Variants in RBM47 observed in about 807,000 individuals in gnomAD.
RBM47 encodes RNA-binding protein 47.
A neutral mutation model predicts 47.1 loss-of-function variants in RBM47; 21 were observed. That is an observed-to-expected ratio of 0.45 (90% CI 0.32 to 0.64). The LOEUF (loss-of-function observed/expected upper bound fraction) is 0.64. RBM47 is among the 30% of genes least tolerant of loss of function. The pLI is 0.05. For synonymous variants in RBM47, 375 were observed against 361.7 expected (o/e 1.04, Z -0.42); for missense variants, 708 against 870.9 (o/e 0.81, Z 2.35).
intron 2 of RBM47, among the ~76,000 whole-genome samples, chr4:40,527,161 C>A (rs1726809237): frequency 6.6e-6 from 1 of 152,188 alleles, no homozygotes; most frequent in Admixed American, 6.6e-5. Context: ...CTTGCCCAGG[C>A]AGCCACCCTG....
rs1039603887 is a variant in RBM47 at position 40,424,340 on chromosome 4, T to G, written c.*1564A>C. ...TAAAAAACAATTCCAAGTTGATATT[T>G]TTTTTTAAAAAGTAGATGACAATCT... On this transcript the variant is annotated 3_prime_UTR_variant, in exon 7 of 7. Transcript: ENST00000295971. The G allele has an allele frequency of 6.6e-6, 1 of 152,640 alleles. No homozygotes were observed. The highest frequency in any genetic ancestry group is 2.4e-5 in the African/African-American group (1 of 41,466). 9.5% of individuals were successfully genotyped at this position (152,640 alleles called of 1,614,324 possible).
chr4:40,568,809 C>T (rs531225390), intron 1 of RBM47, among the ~76,000 whole-genome samples: 23 of 151,860 alleles, frequency 1.5e-4, no homozygotes, highest in African/African-American at 4.1e-4. Context: ...GGTGAAACCC[C>T]GTCTCTACTA....
chr4:40,530,806 T>C (rs1443422512), intron 2 of RBM47, among the ~76,000 whole-genome samples: 1 of 152,198 alleles, frequency 6.6e-6, no homozygotes, highest in Non-Finnish European at 1.5e-5. Flanking sequence ...GCTTTCAGAA[T>C]TCTCCATGCA....
intron 1 of RBM47, among the ~76,000 whole-genome samples, chr4:40,596,101 T>C (rs1478401430): frequency 2.0e-5 from 3 of 152,218 alleles, no homozygotes; most frequent in Admixed American, 1.3e-4. Context: ...GGGCAAAGCA[T>C]GCTGCTAAGA....
chr4:40,436,171 CAAA>C lies in RBM47; in HGVS notation c.1330+267_1330+269del, dbSNP rs68002544. Among the ~76,000 whole-genome samples, 142 of 130,240 alleles carry C rather than the reference CAAA, an allele frequency of 1.1e-3. 2 individuals carry two copies. In the Middle Eastern group the frequency reaches 0.012, roughly 11 times the overall value. 85.4% of individuals were successfully genotyped at this position (130,240 alleles called of 152,430 possible). A position where few individuals can be genotyped will look rare whatever the true frequency, so the allele number is the denominator to read the frequency against. ...TGGGCGACAGAGCGAGACTCTGTCT[CAAA>C]AAAAAAAAAAAACAAACAAACAAAC... is the stretch of plus-strand genomic sequence containing the variant. On this transcript the variant is annotated intron_variant, in intron 5 of 6. Transcript: ENST00000295971.
chr4:40,612,513 G>A (rs571647609), intron 1 of RBM47, among the ~76,000 whole-genome samples: 98 of 152,140 alleles, frequency 6.4e-4, no homozygotes, highest in Non-Finnish European at 1.3e-3. Context: ...GCCAGACTCT[G>A]TCTCTCAAAA....
At chr4:40,486,146 A>T (rs1383780497) in intron 2 of RBM47, among the ~76,000 whole-genome samples, 3 of 151,704 alleles carry the variant, frequency 2.0e-5, no homozygotes, top group African/African-American at 4.8e-5. Flanking sequence ...CTAAGGAAGA[A>T]ACTGATTATT....
At chr4:40,617,569 T>C (rs768713006) in intron 1 of RBM47, among the ~76,000 whole-genome samples, 3 of 151,938 alleles carry the variant, frequency 2.0e-5, no homozygotes, top group African/African-American at 7.2e-5. Context: ...AAATAATAAA[T>C]AAATATGGCA....
intron 6 of RBM47, 131 bp from the exon 7 acceptor site, chr4:40,426,274 G>T: frequency 8.4e-7 from 1 of 1,193,116 alleles, no homozygotes; most frequent in Non-Finnish European, 1.1e-6. Context: ...GCAGAGGGGC[G>T]GGCAAACAGC....
intron 2 of RBM47, among the ~76,000 whole-genome samples, chr4:40,503,125 C>T (rs1022544457): frequency 6.6e-6 from 1 of 152,202 alleles, no homozygotes; most frequent in Non-Finnish European, 1.5e-5. Context: ...TCCTTCACTT[C>T]CTGTCTTTGA....
rs530111678 is a variant in RBM47 at position 40,486,804 on chromosome 4, C to T, written c.-154-20105G>A. Reference sequence around the variant, plus strand: ...TGTAACTATGATTCAACAGAGCACACATCCTGTTTAATAACAAAGGCATTT... The same window carrying T: ...TGTAACTATGATTCAACAGAGCACATATCCTGTTTAATAACAAAGGCATTT... On this transcript the variant is annotated intron_variant, in intron 2 of 6. Transcript: ENST00000295971. Among the ~76,000 whole-genome samples, 346 of 152,312 alleles carry T rather than the reference C, an allele frequency of 2.3e-3. 3 individuals carry two copies. Among genetic ancestry groups the T allele is most frequent in the African/African-American group, 7.6e-3 (314 of 41,556 alleles).
At chr4:40,617,807 T>G (rs55716577) in intron 1 of RBM47, among the ~76,000 whole-genome samples, 1,766 of 151,946 alleles carry the variant, frequency 0.012, 14 homozygotes, top group Non-Finnish European at 0.018. Context: ...CAACCCCCTT[T>G]CCCCATTACA....
chr4:40,561,365 C>A (rs1362845694), intron 1 of RBM47, among the ~76,000 whole-genome samples: 2 of 150,516 alleles, frequency 1.3e-5, no homozygotes, highest in Non-Finnish European at 3.0e-5. Flanking sequence ...ATAAGTAGCT[C>A]GGATTACAGG....
chr4:40,558,716 T>C (rs939072643), intron 1 of RBM47, among the ~76,000 whole-genome samples: 2 of 151,392 alleles, frequency 1.3e-5, no homozygotes, highest in Non-Finnish European at 1.5e-5. Flanking sequence ...TAGTTCCAGC[T>C]AATTGGGAGG....
At chr4:40,512,202 C>T (rs1725024900) in intron 2 of RBM47, among the ~76,000 whole-genome samples, 1 of 151,984 alleles carries the variant, frequency 6.6e-6, no homozygotes, top group African/African-American at 2.4e-5. Flanking sequence ...AGGTGGATCA[C>T]CTGAGGTCAG....
At chr4:40,564,781 G>A (rs1362800289) in intron 1 of RBM47, among the ~76,000 whole-genome samples, 1 of 152,214 alleles carries the variant, frequency 6.6e-6, no homozygotes, top group Non-Finnish European at 1.5e-5. Context: ...TATTAGAAAT[G>A]ATATTCAAGA....
intron 2 of RBM47, among the ~76,000 whole-genome samples, chr4:40,499,678 G>T (rs1026035583): frequency 6.6e-6 from 1 of 152,174 alleles, no homozygotes; most frequent in African/African-American, 2.4e-5. Context: ...AAAGTGCTGG[G>T]ATAACAGGCA....
At chr4:40,592,938 T>TAC (rs1231213588) in intron 1 of RBM47, among the ~76,000 whole-genome samples, 6 of 4,768 alleles carry the variant, frequency 1.3e-3, no homozygotes, top group Non-Finnish European at 2.4e-3. Context: ...ATTTGGGACA[T>TAC]ATATATATAT....
intron 2 of RBM47, among the ~76,000 whole-genome samples, chr4:40,528,692 G>A (rs1234368696): frequency 2.0e-5 from 3 of 152,112 alleles, no homozygotes; most frequent in Admixed American, 1.3e-4. Flanking sequence ...TTGAACCTGG[G>A]AGGTGGAGGT....
Sources: allele counts gnomAD v4.1 joint callset (sites outside exome capture counted in the v4.1 genomes callset), GRCh38; gene constraint gnomAD v4.1.1; transcripts MANE v1.5; gene names NCBI Gene and HGNC (gene_info 2026-07-23, HGNC 2026-07-21).